Variants in PHF2 observed in about 807,000 individuals in gnomAD.
PHF2 encodes the protein lysine-specific demethylase PHF2.
A neutral mutation model predicts 120.5 loss-of-function variants in PHF2; 27 were observed. The ratio of observed to expected loss-of-function variants is 0.22; its 90% CI spans 0.17 to 0.31. The LOEUF (loss-of-function observed/expected upper bound fraction) is 0.31, where lower values mean the gene tolerates loss of function less well. Among genes scored for constraint, PHF2 ranks in the 10% least tolerant of loss-of-function variants. The pLI is 1.00. For synonymous variants in PHF2, 568 were observed against 592.5 expected (o/e 0.96, Z 0.60); for missense variants, 1,024 against 1,434.8 (o/e 0.71, Z 4.63).
chr9:93,663,013 A>G lies in PHF2; in HGVS notation c.1805A>G (p.Lys602Arg). ...REQTKSKSEAKWKYKNSKPDS... is the reference protein window; with the variant it reads ...REQTKSKSEARWKYKNSKPDS... ...CAAACCAAGAGCAAGTCAGAGGCCAAGTGGAAGTACAAGGTGAGAAGTGCA... is the reference window on the plus strand; with the variant it reads ...CAAACCAAGAGCAAGTCAGAGGCCAGGTGGAAGTACAAGGTGAGAAGTGCA... The change falls in exon 13 of 22, where the codon AAG (lysine) becomes AGG (arginine). Residue 602 changes from lysine (K) to arginine (R), a missense_variant. This residue lies in a region of PHF2 where 677 missense variants were observed against 857.4 expected (regional missense o/e 0.79). Transcript: ENST00000359246. 1 of 1,614,138 alleles carries G rather than the reference A, an allele frequency of 6.2e-7. No individual in the cohort carries two copies. Among genetic ancestry groups the G allele is most frequent in the Non-Finnish European group, 8.5e-7 (1 of 1,179,994 alleles).
At chr9:93,658,279 A>C in intron 10 of PHF2, 43 bp downstream of exon 10, 1 of 1,500,020 alleles carries the variant, frequency 6.7e-7, no homozygotes, top group Non-Finnish European at 9.2e-7. Flanking sequence ...GAGAGCAGTG[A>C]CAGGCGGGAG....
chr9:93,664,093 T>C (rs1826631176), intron 14 of PHF2, among the ~76,000 whole-genome samples: 4 of 152,026 alleles, frequency 2.6e-5, no homozygotes, highest in Admixed American at 2.6e-4. Flanking sequence ...TCCATGAGTG[T>C]TAGATGTTTG....
At position 93,667,201 on chromosome 9, in the gene PHF2, C is replaced by T; in HGVS notation, c.2309C>T (p.Ala770Val). ...GCTGGCATCTTGGACCTGCTGCAGG[C>T]CAGTGAGGAGGTTGGCGCGCTGGAG... ...SAAGILDLLQ[A>V]SEEVGALEYN... Residue 770 changes from alanine to valine, a missense_variant, in exon 17 of 22, where the codon GCC becomes GTC. Physicochemically the swap from Ala to Val is moderately conservative, Grantham distance 64 (BLOSUM62 0). This residue lies in a region of PHF2 where 677 missense variants were observed against 857.4 expected (regional missense o/e 0.79). Transcript: ENST00000359246. 1 of 1,612,476 alleles carries T rather than the reference C, an allele frequency of 6.2e-7. No individual in the cohort carries two copies. Among genetic ancestry groups the T allele is most frequent in the East Asian group, 2.2e-5 (1 of 44,828 alleles).
intron 1 of PHF2, among the ~76,000 whole-genome samples, chr9:93,593,119 A>G (rs1438407384): frequency 2.1e-5 from 3 of 145,024 alleles, no homozygotes; most frequent in African/African-American, 7.5e-5. Flanking sequence ...AAAGAAAAAA[A>G]AAGGACTAAG....
In PHF2 at chr9:93,591,416, C is replaced by T. The variant is rs1003876382; in HGVS notation, c.98+14545C>T. 4.6e-5 allele frequency among the ~76,000 whole-genome samples: 6 copies of T among 130,144 alleles called. No individual in the cohort carries two copies. In the East Asian group the frequency reaches 1.1e-3, roughly 24 times the overall value. The allele number at this position is 130,144 out of a possible 152,430, so 85.4% of individuals were successfully genotyped here. On this transcript the variant is annotated intron_variant, in intron 1 of 21. Coordinates refer to ENST00000359246, the MANE Select transcript of PHF2 (RefSeq NM_005392.4). Reference sequence around the variant, plus strand: ...GCACCCATTCAGGAGCAGGCTGTACCGTGGCCTTGCTGCACGGGCACCTGC... The same window carrying T: ...GCACCCATTCAGGAGCAGGCTGTACTGTGGCCTTGCTGCACGGGCACCTGC...
In PHF2 at chr9:93,677,507, A is replaced by T; in HGVS notation, c.3203-81A>T. Reference sequence around the variant, plus strand: ...CAGGCTGCCCCTTAGTGTCAGCGGGACCCTCCCCCCCACCGGCATGCCACG... The same window carrying T: ...CAGGCTGCCCCTTAGTGTCAGCGGGTCCCTCCCCCCCACCGGCATGCCACG... On this transcript the variant is annotated intron_variant, in intron 21 of 21. Transcript: ENST00000359246. This position sits in a 1 kb window ranked among gnomAD's most constrained non-coding sequence, Gnocchi z 4.4. 1.0e-6 allele frequency: 1 copy of T among 1,001,846 alleles called. No individual in the cohort carries two copies. The highest frequency in any genetic ancestry group is 1.8e-5 in the Admixed American group (1 of 54,148). The allele number at this position is 1,001,846 out of a possible 1,614,324, so 62.1% of individuals were successfully genotyped here. A position where few individuals can be genotyped will look rare whatever the true frequency, so the allele number is the denominator to read the frequency against.
chr9:93,663,014 G>C lies in PHF2; in HGVS notation c.1806G>C (p.Lys602Asn). ...AAACCAAGAGCAAGTCAGAGGCCAA[G>C]TGGAAGTACAAGGTGAGAAGTGCAC... ...REQTKSKSEA[K>N]WKYKNSKPDS... Residue 602 changes from lysine (K) to asparagine (N), a missense_variant, in exon 13 of 22, where the codon AAG (lysine) becomes AAC (asparagine). Physicochemically the swap from Lys to Asn is moderately conservative, Grantham distance 94. This residue lies in a region of PHF2 where 677 missense variants were observed against 857.4 expected (regional missense o/e 0.79). Transcript: ENST00000359246. The C allele has an allele frequency of 6.2e-7, 1 of 1,614,156 alleles. No homozygotes were observed. Among genetic ancestry groups the C allele is most frequent in the Non-Finnish European group, 8.5e-7 (1 of 1,180,006 alleles).
intron 9 of PHF2, among the ~76,000 whole-genome samples, 162 bp from the exon 10 acceptor site, chr9:93,657,983 A>G (rs189258764): frequency 1.3e-3 from 196 of 152,232 alleles, no homozygotes; most frequent in African/African-American, 4.6e-3. Context: ...GGGCGCCCCC[A>G]GGTTCCAAGA....
chr9:93,652,806 G>T (rs1297613022), intron 5 of PHF2, among the ~76,000 whole-genome samples: 1 of 152,200 alleles, frequency 6.6e-6, no homozygotes, highest in Non-Finnish European at 1.5e-5. Context: ...CGGGCTGAGT[G>T]TGAGAAATGA....
At chr9:93,591,395 C>T (rs1174255056) in intron 1 of PHF2, among the ~76,000 whole-genome samples, 1 of 152,190 alleles carries the variant, frequency 6.6e-6, no homozygotes, top group Non-Finnish European at 1.5e-5. Context: ...GGCTAGGCAC[C>T]CATTCAGGAG....
intron 1 of PHF2, among the ~76,000 whole-genome samples, chr9:93,620,701 T>TG (rs1212831157): frequency 1.3e-5 from 2 of 152,254 alleles, no homozygotes; most frequent in Non-Finnish European, 2.9e-5. Flanking sequence ...CTGTAACTGT[T>TG]TTGGTGTTAC....
intron 3 of PHF2, among the ~76,000 whole-genome samples, chr9:93,644,398 A>AG (rs1826218525): frequency 6.6e-6 from 1 of 151,652 alleles, no homozygotes; most frequent in Non-Finnish European, 1.5e-5. Context: ...AAAAAAAAAA[A>AG]AAAAAAATTC....
At position 93,629,957 on chromosome 9, in the gene PHF2, C is replaced by T. The variant is rs778824373; in HGVS notation, c.99-13C>T. 55 of 1,613,418 alleles carry T rather than the reference C, an allele frequency of 3.4e-5. No homozygotes were observed. Among genetic ancestry groups the T allele is most frequent in the African/African-American group, 4.0e-5 (3 of 74,892 alleles). Reference sequence around the variant, plus strand: ...TGAATGCCTAGGTAATGGTCTATTTCGTCTCGTTTCAGCTGTGTTGGGGTG... The same window carrying T: ...TGAATGCCTAGGTAATGGTCTATTTTGTCTCGTTTCAGCTGTGTTGGGGTG... On this transcript the variant is annotated splice_polypyrimidine_tract_variant and intron_variant, in intron 1 of 21. Transcript: ENST00000359246.
chr9:93,676,966 A>G lies in PHF2; in HGVS notation c.3202+3A>G. On this transcript the variant is annotated splice_donor_region_variant and intron_variant, in intron 21 of 21. Transcript: ENST00000359246. ...AAACAACAACACCGCTGCCAAAGGT[A>G]CTGTGCCTGCTGGAGGGAGCCTGCA... is the stretch of plus-strand genomic sequence containing the variant. 6.5e-7 allele frequency: 1 copy of G among 1,537,978 alleles called. No homozygotes were observed. The highest frequency in any genetic ancestry group is 1.2e-5 in the South Asian group (1 of 80,506).
At chr9:93,661,859 G>A (rs1342108205) in intron 12 of PHF2, among the ~76,000 whole-genome samples, 1 of 151,850 alleles carries the variant, frequency 6.6e-6, no homozygotes, top group Non-Finnish European at 1.5e-5. Flanking sequence ...TGAATAAATG[G>A]ATGGATGGAT....
At position 93,678,194 on chromosome 9, in the gene PHF2, A is replaced by G. The variant is rs1426353092; in HGVS notation, c.*518A>G. 1 of 153,468 alleles carries G rather than the reference A, an allele frequency of 6.5e-6. No individual in the cohort carries two copies. The highest frequency in any genetic ancestry group is 2.4e-5 in the African/African-American group (1 of 41,466). 9.5% of individuals were successfully genotyped at this position (153,468 alleles called of 1,614,324 possible). A position where few individuals can be genotyped will look rare whatever the true frequency, so the allele number is the denominator to read the frequency against. ...CTGAGTGATTCTCAGCCAAGTCCAG[A>G]CAGTGCTCGGCGGGTGAGGAAGGGT... On this transcript the variant is annotated 3_prime_UTR_variant, in exon 22 of 22. Coordinates refer to ENST00000359246, the MANE Select transcript of PHF2 (RefSeq NM_005392.4).
At chr9:93,634,555 AG>A (rs1826059638) in intron 2 of PHF2, among the ~76,000 whole-genome samples, 1 of 152,184 alleles carries the variant, frequency 6.6e-6, no homozygotes, top group African/African-American at 2.4e-5. Context: ...GGCAGGTTGG[AG>A]CTATCTATGG....
Position 93,658,107 on chromosome 9 carries a change from C to T in PHF2, c.1148-38C>T, listed in dbSNP as rs556741546. 191 of 1,442,190 alleles carry T rather than the reference C, an allele frequency of 1.3e-4. 1 individual carries two copies. The African/African-American group carries it at 2.3e-3, about 18-fold the overall frequency. The allele number at this position is 1,442,190 out of a possible 1,614,324, so 89.3% of individuals were successfully genotyped here. On this transcript the variant is annotated intron_variant, in intron 9 of 21. Coordinates refer to ENST00000359246, the MANE Select transcript of PHF2 (RefSeq NM_005392.4). ...TGGGCATGAAGGCACCTGTGGGCAG[C>T]AGGCACCCACCCACCTCACCCAGTG...
chr9:93,649,969 T>G (rs560992406), intron 5 of PHF2, among the ~76,000 whole-genome samples: 35 of 151,040 alleles, frequency 2.3e-4, no homozygotes, highest in African/African-American at 8.3e-4. Flanking sequence ...TGGACACACA[T>G]GACACACACT....
Sources: gnomAD v4.1 joint callset for allele counts (sites outside exome capture counted in the v4.1 genomes callset) on GRCh38, gnomAD v4.1.1 for gene constraint, gnomAD v4.1.1 regional missense constraint, Gnocchi (gnomAD v3.1) non-coding constraint, MANE v1.5 for transcripts, NCBI Gene and HGNC (gene_info 2026-07-23, HGNC 2026-07-21) for gene names.